ARHGAP31: variants seen among roughly 807,000 people sequenced by gnomAD.
The protein encoded by ARHGAP31 is rho GTPase-activating protein 31.
ARHGAP31 carries 34 observed loss-of-function variants against 113.9 expected under a neutral mutation model. The ratio of observed to expected loss-of-function variants is 0.30; its 90% CI spans 0.23 to 0.40. ARHGAP31 has a LOEUF of 0.40. Ranked by LOEUF, ARHGAP31 falls within the 10% of genes least tolerant of loss-of-function variation. The pLI, the probability that ARHGAP31 is intolerant of heterozygous loss-of-function variation, is 1.00. For missense variants in ARHGAP31, 1,548 were observed against 1,767.1 expected, an observed-to-expected ratio of 0.88 and a Z score of 2.22; for synonymous variants, 650 against 684.8, an observed-to-expected ratio of 0.95 and a Z score of 0.79.
chr3:119,401,166 A>G (rs113431335), intron 9 of ARHGAP31, among the ~76,000 whole-genome samples: 2,704 of 112,102 alleles, frequency 0.024, 68 homozygotes, highest in African/African-American at 0.087. Context: ...GCTGTACTCC[A>G]TCTCAAAAAA....
intron 1 of ARHGAP31, among the ~76,000 whole-genome samples, chr3:119,310,424 C>A (rs1203092380): frequency 6.6e-6 from 1 of 152,086 alleles, no homozygotes; most frequent in East Asian, 1.9e-4. Flanking sequence ...ACTGGGGGTC[C>A]CCAAACCTCA....
At chr3:119,380,289 A>G (rs2080384904) in intron 3 of ARHGAP31, among the ~76,000 whole-genome samples, 1 of 152,144 alleles carries the variant, frequency 6.6e-6, no homozygotes, top group Non-Finnish European at 1.5e-5. Context: ...GGTAGGCAGT[A>G]GCTGTTTGCA....
rs749601853 is a variant in ARHGAP31 at position 119,368,516 on chromosome 3, G to C, written c.348G>C (p.Thr116=). 6.2e-7 allele frequency: 1 copy of C among 1,614,068 alleles called. No homozygotes were observed. Among genetic ancestry groups the C allele is most frequent in the East Asian group, 2.2e-5 (1 of 44,884 alleles). The change falls in exon 3 of 12, where the codon ACG becomes ACC. Residue 116 remains threonine, a splice_region_variant and synonymous_variant. Transcript: ENST00000264245. ...LLTYELYEKF[T]EAVSHCPEEG... is the part of the protein sequence containing the mutation. ...CTTATGAGCTCTATGAGAAATTCAC[G>C]GTGAGTGTTTGGATTTCCATTATGG...
At chr3:119,301,018 C>G (rs2079579474) in intron 1 of ARHGAP31, among the ~76,000 whole-genome samples, 1 of 152,082 alleles carries the variant, frequency 6.6e-6, no homozygotes, top group African/African-American at 2.4e-5. Flanking sequence ...ACAGGAAGAA[C>G]TGAAAAAGGA....
At chr3:119,411,302 C>T (rs968624129) in intron 11 of ARHGAP31, among the ~76,000 whole-genome samples, 17 of 152,060 alleles carry the variant, frequency 1.1e-4, no homozygotes, top group African/African-American at 3.9e-4. Context: ...ACGAATGCAT[C>T]AGGAGGGGAG....
intron 1 of ARHGAP31, among the ~76,000 whole-genome samples, chr3:119,359,664 G>A (rs2080188808): frequency 6.6e-6 from 1 of 152,044 alleles, no homozygotes; most frequent in Non-Finnish European, 1.5e-5. Context: ...ACAGAGGAGT[G>A]GAACAGGGAT....
At chr3:119,324,063 A>G (rs2079818758) in intron 1 of ARHGAP31, among the ~76,000 whole-genome samples, 1 of 152,046 alleles carries the variant, frequency 6.6e-6, no homozygotes, top group Non-Finnish European at 1.5e-5. Flanking sequence ...GGCTCTTGCC[A>G]TCCCTGCCAT....
At position 119,402,484 on chromosome 3, in the gene ARHGAP31, G is replaced by T. The variant is rs535819313; in HGVS notation, c.1645+87G>T. On this transcript the variant is annotated intron_variant, in intron 10 of 11. Transcript: ENST00000264245. ...TTGAGTTTGCAAGGCAATATAGTGC[G>T]GTGGTTAAGCCTGTGGGCTCTAGAG... The T allele has an allele frequency of 2.8e-6, 4 of 1,422,826 alleles. No individual in the cohort carries two copies. In the East Asian group the frequency reaches 9.7e-5, roughly 34 times the overall value. The allele number at this position is 1,422,826 out of a possible 1,614,324, so 88.1% of individuals were successfully genotyped here.
intron 1 of ARHGAP31, among the ~76,000 whole-genome samples, chr3:119,299,741 T>A (rs1346986074): frequency 6.6e-6 from 1 of 152,262 alleles, no homozygotes; most frequent in Admixed American, 6.5e-5. Context: ...GCTTTGAAGT[T>A]AGCTGTCATA....
chr3:119,387,362 C>T (rs1036765264), intron 6 of ARHGAP31, among the ~76,000 whole-genome samples: 1 of 151,198 alleles, frequency 6.6e-6, no homozygotes, highest in African/African-American at 2.4e-5. Context: ...GATTATAGAG[C>T]GAGGATTATT....
intron 1 of ARHGAP31, among the ~76,000 whole-genome samples, chr3:119,354,678 ATTTTTTTT>A (rs762067141): frequency 7.9e-6 from 1 of 127,250 alleles, no homozygotes; most frequent in African/African-American, 3.0e-5. Context: ...TGCCGGGCTA[ATTTTTTTT>A]TTTTTTTTTT....
chr3:119,298,893 T>C, intron 1 of ARHGAP31: 1 of 237,210 alleles, frequency 4.2e-6, no homozygotes, highest in Non-Finnish European at 8.7e-6. Context: ...TTGTGTGAGT[T>C]GTGCCATTCA....
chr3:119,406,581 A>G (rs2080664707), intron 10 of ARHGAP31, among the ~76,000 whole-genome samples: 2 of 152,190 alleles, frequency 1.3e-5, no homozygotes, highest in Non-Finnish European at 2.9e-5. Flanking sequence ...TGAGCCTTGC[A>G]CCACATTCCC....
chr3:119,310,873 A>G (rs2079673854), intron 1 of ARHGAP31, among the ~76,000 whole-genome samples: 2 of 152,204 alleles, frequency 1.3e-5, no homozygotes, highest in African/African-American at 4.8e-5. Context: ...CACCTAATCA[A>G]CTTCCTTTTT....
At chr3:119,311,231 C>T (rs895918761) in intron 1 of ARHGAP31, among the ~76,000 whole-genome samples, 2 of 152,202 alleles carry the variant, frequency 1.3e-5, no homozygotes, top group Non-Finnish European at 2.9e-5. Flanking sequence ...TGAAGACTGG[C>T]ACCCATCCTC....
intron 1 of ARHGAP31, among the ~76,000 whole-genome samples, chr3:119,364,229 G>C (rs1175119574): frequency 6.9e-6 from 1 of 144,354 alleles, no homozygotes; most frequent in Non-Finnish European, 1.5e-5. Context: ...GGTTGGGGGT[G>C]GGGGGATGGA....
At chr3:119,377,279 T>C (rs770273736) in intron 3 of ARHGAP31, among the ~76,000 whole-genome samples, 91 of 152,254 alleles carry the variant, frequency 6.0e-4, no homozygotes, top group African/African-American at 1.6e-3. Flanking sequence ...ATGTAAGACA[T>C]AGATCTATAA....
chr3:119,382,454 G>T, intron 5 of ARHGAP31, 55 bp downstream of exon 5: 2 of 1,502,718 alleles, frequency 1.3e-6, no homozygotes, highest in Non-Finnish European at 1.8e-6. Context: ...AGCAGCCCCC[G>T]ATTGAAATGA....
At chr3:119,322,298 C>T (rs1284988486) in intron 1 of ARHGAP31, among the ~76,000 whole-genome samples, 1 of 152,232 alleles carries the variant, frequency 6.6e-6, no homozygotes, top group African/African-American at 2.4e-5. Context: ...AACCTCCTGA[C>T]TTTCTCCTTG....
Sources: allele counts gnomAD v4.1 joint callset (sites outside exome capture counted in the v4.1 genomes callset), GRCh38; gene constraint gnomAD v4.1.1; transcripts MANE v1.5; gene names NCBI Gene and HGNC (gene_info 2026-07-23, HGNC 2026-07-21).